The following MECOM variants were observed in gnomAD, a reference collection of about 807,000 sequenced individuals.
MECOM encodes the protein MDS1 and EVI1 complex locus.
MECOM carries 13 observed loss-of-function variants against 116.3 expected under a neutral mutation model. The ratio of observed to expected loss-of-function variants is 0.11; its 90% CI spans 0.07 to 0.18. The LOEUF (loss-of-function observed/expected upper bound fraction) is 0.18. Ranked by LOEUF, MECOM falls within the 10% of genes least tolerant of loss-of-function variation. The probability of loss-of-function intolerance (pLI) is 1.00; values close to 1 mark genes in which losing one functional copy is unlikely to be tolerated. For synonymous variants in MECOM, 528 were observed against 535.2 expected (o/e 0.99, Z 0.19); for missense variants, 1,299 against 1,509.0 (o/e 0.86, Z 2.31).
At chr3:169,088,879 T>A in intron 16 of MECOM, 121 bp downstream of exon 16, 1 of 878,784 alleles carries the variant, frequency 1.1e-6, no homozygotes, top group Non-Finnish European at 1.6e-6. Flanking sequence ...TAGAAAGGCA[T>A]CTGACCCCAT....
intron 1 of MECOM, among the ~76,000 whole-genome samples, chr3:169,570,522 A>C (rs116631735): frequency 0.22 from 33,497 of 151,964 alleles, 4,722 homozygotes; most frequent in East Asian, 0.7. Flanking sequence ...CAAAACCTGA[A>C]AAAGACACAT....
chr3:169,634,241 AACACACACACACAC>A (rs59934753), intron 1 of MECOM, among the ~76,000 whole-genome samples: 25 of 149,062 alleles, frequency 1.7e-4, no homozygotes, highest in Non-Finnish European at 3.3e-4. Context: ...TGTGTGCACA[AACACACACACACAC>A]ACACACACAC....
intron 1 of MECOM, among the ~76,000 whole-genome samples, chr3:169,382,279 G>A (rs1423767429): frequency 6.6e-6 from 1 of 152,122 alleles, no homozygotes; most frequent in East Asian, 1.9e-4. Flanking sequence ...TCCAGACAGA[G>A]AAATGAGGGA....
chr3:169,375,768 C>A (rs1730919581), intron 2 of MECOM, among the ~76,000 whole-genome samples: 2 of 152,048 alleles, frequency 1.3e-5, no homozygotes, highest in African/African-American at 4.8e-5. Context: ...GAGCTCGTAC[C>A]ATTACTTACA....
intron 2 of MECOM, among the ~76,000 whole-genome samples, chr3:169,224,467 G>A (rs183276393): frequency 7.3e-4 from 111 of 152,210 alleles, no homozygotes; most frequent in Admixed American, 1.2e-3. Flanking sequence ...TTCTCAAAAC[G>A]CAGCCCCAAC....
At chr3:169,632,656 C>T (rs1360135340) in intron 1 of MECOM, among the ~76,000 whole-genome samples, 3 of 152,176 alleles carry the variant, frequency 2.0e-5, no homozygotes, top group Non-Finnish European at 4.4e-5. Flanking sequence ...TGGCCAGAGT[C>T]ACTTCTCTCA....
Position 169,263,440 on chromosome 3 carries a change from A to G in MECOM, c.375+117747T>C, listed in dbSNP as rs552521472. 2.4e-4 allele frequency among the ~76,000 whole-genome samples: 36 copies of G among 151,844 alleles called. 1 individual carries two copies. Among genetic ancestry groups the G allele is most frequent in the African/African-American group, 8.0e-4 (33 of 41,428 alleles). On this transcript the variant is annotated intron_variant, in intron 2 of 16. Coordinates refer to ENST00000651503, the MANE Select transcript of MECOM (RefSeq NM_004991.4). ...ACCGCGCCCTGCCAAGATGAAAGAT[A>G]TTTAAGTCCTGCCACCGAATATTGA...
intron 2 of MECOM, among the ~76,000 whole-genome samples, chr3:169,285,084 C>A (rs1712992456): frequency 6.6e-6 from 1 of 152,142 alleles, no homozygotes; most frequent in Non-Finnish European, 1.5e-5. Flanking sequence ...TTATAAAAGC[C>A]TTAAAAATTT....
intron 2 of MECOM, among the ~76,000 whole-genome samples, chr3:169,165,525 T>C (rs185381641): frequency 1.3e-5 from 2 of 152,328 alleles, no homozygotes; most frequent in East Asian, 3.9e-4. Flanking sequence ...AGATCTGCTG[T>C]TACACATCTA....
intron 1 of MECOM, among the ~76,000 whole-genome samples, chr3:169,537,087 T>G (rs953414764): frequency 3.3e-5 from 5 of 152,160 alleles, no homozygotes; most frequent in Non-Finnish European, 5.9e-5. Flanking sequence ...CCCCTTATAA[T>G]TCCTATGGGC....
At chr3:169,557,325 G>T (rs957780751) in intron 1 of MECOM, among the ~76,000 whole-genome samples, 4 of 151,380 alleles carry the variant, frequency 2.6e-5, no homozygotes. Flanking sequence ...CTATTAAAAG[G>T]AAAAAAAAGG....
intron 2 of MECOM, among the ~76,000 whole-genome samples, chr3:169,306,953 C>A (rs1200354366): frequency 1.3e-5 from 2 of 152,206 alleles, no homozygotes; most frequent in Non-Finnish European, 2.9e-5. Flanking sequence ...CCAACCCAGA[C>A]CACTTCCTTA....
intron 1 of MECOM, among the ~76,000 whole-genome samples, chr3:169,390,666 C>G (rs1734070079): frequency 6.6e-6 from 1 of 152,138 alleles, no homozygotes; most frequent in African/African-American, 2.4e-5. Flanking sequence ...GACCACAGCT[C>G]TGCTTCATTC....
intron 7 of MECOM, among the ~76,000 whole-genome samples, chr3:169,118,255 T>C (rs1044011450): frequency 6.6e-6 from 1 of 152,222 alleles, no homozygotes; most frequent in Admixed American, 6.5e-5. Context: ...TATTGTTGCA[T>C]ATATCAAAGT....
At chr3:169,576,796 TACACACACACACACACACACAC>T (rs373881811) in intron 1 of MECOM, among the ~76,000 whole-genome samples, 4 of 136,500 alleles carry the variant, frequency 2.9e-5, no homozygotes, top group African/African-American at 8.3e-5. Flanking sequence ...CTTCCTGTTT[TACACACACACACACACACACAC>T]ACACACACAC....
intron 1 of MECOM, among the ~76,000 whole-genome samples, chr3:169,652,891 T>C (rs1472903777): frequency 6.6e-6 from 1 of 152,208 alleles, no homozygotes; most frequent in Non-Finnish European, 1.5e-5. Flanking sequence ...ACTTGTAAAC[T>C]GAATATTCCC....
chr3:169,158,883 C>T (rs1298589582), intron 2 of MECOM, among the ~76,000 whole-genome samples: 1 of 152,114 alleles, frequency 6.6e-6, no homozygotes, highest in African/African-American at 2.4e-5. Context: ...TATTCTCGCC[C>T]CCAAAATTTT....
intron 2 of MECOM, among the ~76,000 whole-genome samples, chr3:169,233,891 A>T (rs934516917): frequency 6.6e-6 from 1 of 152,096 alleles, no homozygotes; most frequent in Non-Finnish European, 1.5e-5. Flanking sequence ...CTGACTATGG[A>T]GGAGTAAAAT....
intron 1 of MECOM, among the ~76,000 whole-genome samples, chr3:169,517,565 C>G (rs989469391): frequency 2.0e-5 from 3 of 152,166 alleles, no homozygotes; most frequent in Non-Finnish European, 2.9e-5. Context: ...GACTATTTTT[C>G]TCTTCAACTC....
Sources: allele counts gnomAD v4.1 joint callset (sites outside exome capture counted in the v4.1 genomes callset), GRCh38; gene constraint gnomAD v4.1.1; transcripts MANE v1.5; gene names NCBI Gene and HGNC (gene_info 2026-07-23, HGNC 2026-07-21).